DCC: variants seen among roughly 807,000 people sequenced by gnomAD.
DCC encodes netrin receptor DCC.
In DCC, 58 loss-of-function variants were observed where a neutral mutation model predicts 172.5. The observed-to-expected ratio is 0.34, with a 90% confidence interval of 0.27 to 0.42. The LOEUF (loss-of-function observed/expected upper bound fraction) is 0.42, where lower values mean the gene tolerates loss of function less well. Among genes scored for constraint, DCC ranks in the 10% least tolerant of loss-of-function variants. The probability of loss-of-function intolerance (pLI) is 1.00; values close to 1 mark genes in which losing one functional copy is unlikely to be tolerated. For synonymous variants in DCC, 709 were observed against 644.5 expected, an observed-to-expected ratio of 1.10 and a Z score of -1.52; for missense variants, 1,740 against 1,791.0, an observed-to-expected ratio of 0.97 and a Z score of 0.51.
intron 27 of DCC, among the ~76,000 whole-genome samples, chr18:53,510,762 G>C (rs1207452836): frequency 6.6e-6 from 1 of 152,162 alleles, no homozygotes; most frequent in African/African-American, 2.4e-5. Context: ...TCAACATAGA[G>C]AAGACAGCAG....
intron 7 of DCC, among the ~76,000 whole-genome samples, chr18:53,104,371 C>T (rs1031443721): frequency 3.3e-5 from 5 of 151,968 alleles, no homozygotes; most frequent in African/African-American, 1.2e-4. Context: ...GAATAAGTCT[C>T]ACAAGATCTG....
chr18:53,356,263 G>T (rs757477882), intron 15 of DCC, among the ~76,000 whole-genome samples: 2 of 151,912 alleles, frequency 1.3e-5, no homozygotes, highest in African/African-American at 2.4e-5. Context: ...ATAGAATACA[G>T]TCATAATAAC....
intron 5 of DCC, among the ~76,000 whole-genome samples, chr18:52,956,653 T>C (rs2040750076): frequency 6.6e-6 from 1 of 152,108 alleles, no homozygotes; most frequent in African/African-American, 2.4e-5. Context: ...AAATTTTGAT[T>C]CAGATTCACA....
chr18:53,032,314 G>C lies in DCC; in HGVS notation c.986-30991G>C, dbSNP rs145745768. On this transcript the variant is annotated intron_variant, in intron 5 of 28. Coordinates refer to ENST00000442544, the MANE Select transcript of DCC (RefSeq NM_005215.4). ...TAAAAGCCCTTTTACCTGAAAGAAA[G>C]ATAATTTTCTGGAAAATAGGTAGAC... Among the ~76,000 whole-genome samples the C allele has an allele frequency of 3.3e-5, 5 of 152,214 alleles. No individual in the cohort carries two copies. The East Asian group carries it at 9.7e-4, about 29-fold the overall frequency.
In DCC at chr18:52,839,623, G is replaced by T. The variant is rs148402394; in HGVS notation, c.413-66421G>T. 2.2e-3 allele frequency among the ~76,000 whole-genome samples: 341 copies of T among 152,226 alleles called. 2 individuals carry two copies. The highest frequency in any genetic ancestry group is 8.0e-3 in the African/African-American group (332 of 41,522). ...ACATATTTAAGGCAATTCAGGTAAA[G>T]CTTCTTCACTTGGCAAAACAGGTTA... On this transcript the variant is annotated intron_variant, in intron 2 of 28. Transcript: ENST00000442544.
chr18:53,221,344 G>T (rs1345939480), intron 12 of DCC, among the ~76,000 whole-genome samples: 1 of 152,048 alleles, frequency 6.6e-6, no homozygotes, highest in Non-Finnish European at 1.5e-5. Context: ...CACAGTCATA[G>T]ATGTTTGAAG....
rs561578017 is a variant in DCC at position 53,485,590 on chromosome 18, T to G, written c.3737-1207T>G. On this transcript the variant is annotated intron_variant, in intron 25 of 28. Coordinates refer to ENST00000442544, the MANE Select transcript of DCC (RefSeq NM_005215.4). Reference sequence around the variant, plus strand: ...TATCTGAAACAGTCTGACTTCATTTTTCAGTTTAAGTAAACATGTTCAAAT... The same window carrying G: ...TATCTGAAACAGTCTGACTTCATTTGTCAGTTTAAGTAAACATGTTCAAAT... Among the ~76,000 whole-genome samples the G allele has an allele frequency of 2.6e-5, 4 of 152,258 alleles. No individual in the cohort carries two copies. In the East Asian group the frequency reaches 7.7e-4, roughly 29 times the overall value.
intron 2 of DCC, among the ~76,000 whole-genome samples, chr18:52,856,508 T>C (rs150118403): frequency 0.027 from 4,091 of 150,752 alleles, 163 homozygotes; most frequent in African/African-American, 0.091. Context: ...CACCTGTAGT[T>C]CCAGCTACTC....
chr18:52,754,733 A>G (rs370851668), intron 2 of DCC, among the ~76,000 whole-genome samples: 146 of 152,226 alleles, frequency 9.6e-4, no homozygotes, highest in African/African-American at 3.5e-3. Flanking sequence ...TAGACTGGCT[A>G]GCCATTCTGC....
At chr18:52,850,948 G>T (rs768794638) in intron 2 of DCC, among the ~76,000 whole-genome samples, 3 of 151,996 alleles carry the variant, frequency 2.0e-5, no homozygotes, top group Non-Finnish European at 2.9e-5. Flanking sequence ...TATTAATAAA[G>T]TCAGTGTTTT....
chr18:52,583,631 C>T (rs959355684), intron 1 of DCC, among the ~76,000 whole-genome samples: 16 of 152,036 alleles, frequency 1.1e-4, no homozygotes, highest in African/African-American at 2.9e-4. Context: ...TTTGGTTTAA[C>T]GTGTATATTT....
At chr18:53,110,722 T>A (rs1358751717) in intron 7 of DCC, among the ~76,000 whole-genome samples, 1 of 136,382 alleles carries the variant, frequency 7.3e-6, no homozygotes, top group Non-Finnish European at 1.6e-5. Context: ...CCAGTTAGAA[T>A]GGCAATCATT....
At chr18:53,287,361 C>T (rs887044353) in intron 12 of DCC, among the ~76,000 whole-genome samples, 3 of 152,150 alleles carry the variant, frequency 2.0e-5, no homozygotes, top group Non-Finnish European at 4.4e-5. Flanking sequence ...GGATATACTA[C>T]ATTTTGTTTA....
chr18:53,158,903 G>T (rs896998197), intron 8 of DCC, among the ~76,000 whole-genome samples: 2 of 147,522 alleles, frequency 1.4e-5, no homozygotes, highest in Non-Finnish European at 3.0e-5. Context: ...TGAGGCAGGA[G>T]AATTGCTTGA....
intron 1 of DCC, among the ~76,000 whole-genome samples, chr18:52,449,249 A>G (rs979623773): frequency 5.9e-5 from 9 of 152,242 alleles, no homozygotes; most frequent in African/African-American, 2.2e-4. Flanking sequence ...CTCCCACAAC[A>G]TGTGAGAATT....
intron 1 of DCC, among the ~76,000 whole-genome samples, chr18:52,524,314 A>T (rs1460138289): frequency 1.3e-5 from 2 of 152,222 alleles, no homozygotes; most frequent in South Asian, 4.1e-4. Context: ...CCTTCTTTTG[A>T]AAAGCCCTGG....
At chr18:52,967,736 A>T (rs2040958800) in intron 5 of DCC, among the ~76,000 whole-genome samples, 1 of 152,176 alleles carries the variant, frequency 6.6e-6, no homozygotes, top group Non-Finnish European at 1.5e-5. Flanking sequence ...TTGCCTCCTG[A>T]TAACTTCAAA....
chr18:52,949,099 A>G (rs1379890698), intron 5 of DCC, among the ~76,000 whole-genome samples: 1 of 152,138 alleles, frequency 6.6e-6, no homozygotes, highest in Non-Finnish European at 1.5e-5. Context: ...TTTATCTGTT[A>G]AACTGTGATT....
At chr18:52,869,512 C>A (rs532261450) in intron 2 of DCC, among the ~76,000 whole-genome samples, 13 of 152,196 alleles carry the variant, frequency 8.5e-5, no homozygotes, top group African/African-American at 3.1e-4. Flanking sequence ...GGCAGCCTGG[C>A]CTCCAGCCTT....
Sources: gnomAD v4.1 joint callset for allele counts (sites outside exome capture counted in the v4.1 genomes callset) on GRCh38, gnomAD v4.1.1 for gene constraint, MANE v1.5 for transcripts, NCBI Gene and HGNC (gene_info 2026-07-23, HGNC 2026-07-21) for gene names.